The following MTBP variants were observed in gnomAD, a reference collection of about 807,000 sequenced individuals.
MTBP encodes the protein MDM2 binding protein.
Under a neutral mutation model 117.0 loss-of-function variants are expected in MTBP, and 101 were observed. That is an observed-to-expected ratio of 0.86 (90% CI 0.73 to 1.02). The LOEUF (loss-of-function observed/expected upper bound fraction) is 1.02, where lower values mean the gene tolerates loss of function less well. Ranked by LOEUF, MTBP falls within the 50% of genes least tolerant of loss-of-function variation. The pLI, the probability that MTBP is intolerant of heterozygous loss-of-function variation, is 0.00. For synonymous variants in MTBP, 350 were observed against 351.5 expected (o/e 1.00, Z 0.05); for missense variants, 970 against 1,030.9 (o/e 0.94, Z 0.81).
chr8:120,521,476 G>A (rs1233170539), intron 20 of MTBP, among the ~76,000 whole-genome samples: 3 of 152,012 alleles, frequency 2.0e-5, no homozygotes, highest in Non-Finnish European at 4.4e-5. Flanking sequence ...CATCCATGAC[G>A]TTCTCCCTAA....
chr8:120,509,982 G>C lies in MTBP; in HGVS notation c.1932G>C (p.Gln644His). 6.2e-7 allele frequency: 1 copy of C among 1,612,218 alleles called. No homozygotes were observed. Among genetic ancestry groups the C allele is most frequent in the Non-Finnish European group, 8.5e-7 (1 of 1,179,046 alleles). ...CAGAACTTAGTCCTGGGAAACTTCA[G>C]GTCTTACCTTTTGAGAAAGCCTCAG... ...LTPELSPGKL[Q>H]VLPFEKASVC... The change falls in exon 17 of 22, where the codon CAG becomes CAC. Residue 644 changes from glutamine to histidine, a missense_variant. Transcript: ENST00000305949.
At chr8:120,518,455 C>T (rs145998256) in intron 19 of MTBP, among the ~76,000 whole-genome samples, 49 of 152,124 alleles carry the variant, frequency 3.2e-4, no homozygotes, top group Middle Eastern at 6.8e-3. Flanking sequence ...GATTTCAATT[C>T]AGAACTCATG....
At chr8:120,466,608 C>T (rs1016092854) in intron 10 of MTBP, among the ~76,000 whole-genome samples, 1 of 151,852 alleles carries the variant, frequency 6.6e-6, no homozygotes, top group African/African-American at 2.4e-5. Context: ...CGCGGTGGCT[C>T]ACGCCTTTAA....
At chr8:120,498,480 GAGCAAGACT>G (rs1354835806) in intron 14 of MTBP, among the ~76,000 whole-genome samples, 1 of 152,164 alleles carries the variant, frequency 6.6e-6, no homozygotes, top group African/African-American at 2.4e-5. Flanking sequence ...ATGGACTCTG[GAGCAAGACT>G]AGCAGCTTAC....
intron 16 of MTBP, among the ~76,000 whole-genome samples, chr8:120,507,653 T>G (rs933624316): frequency 6.6e-6 from 1 of 152,170 alleles, no homozygotes; most frequent in Non-Finnish European, 1.5e-5. Context: ...AGGAGTTATT[T>G]GAAGGCAGTT....
At chr8:120,509,682 C>A (rs1349699733) in intron 16 of MTBP, among the ~76,000 whole-genome samples, 1 of 152,100 alleles carries the variant, frequency 6.6e-6, no homozygotes, top group Non-Finnish European at 1.5e-5. Flanking sequence ...TTGTTTTACC[C>A]ATTTCTCAGA....
chr8:120,488,336 A>C lies in MTBP; in HGVS notation c.1339+4A>C, dbSNP rs781256121. ...AAGACAGAAGAAGCCAAATTGAGTA[A>C]GTGTTAACTTCAGGTAGAAAAACAT... On this transcript the variant is annotated splice_donor_region_variant and intron_variant, in intron 12 of 21. Coordinates refer to ENST00000305949, the MANE Select transcript of MTBP (RefSeq NM_022045.5). 1.6e-5 allele frequency: 25 copies of C among 1,522,920 alleles called. 2 individuals are homozygous for C. The Admixed American group carries it at 5.4e-4, about 33-fold the overall frequency. The allele number at this position is 1,522,920 out of a possible 1,614,324, so 94.3% of individuals were successfully genotyped here. A position where few individuals can be genotyped will look rare whatever the true frequency, so the allele number is the denominator to read the frequency against.
Position 120,488,308 on chromosome 8 carries a change from A to G in MTBP, c.1315A>G (p.Thr439Ala), listed in dbSNP as rs570723210. 1.9e-6 allele frequency: 3 copies of G among 1,557,322 alleles called. No individual in the cohort carries two copies. In the South Asian group the frequency reaches 3.8e-5, roughly 20 times the overall value. ...ALNLIHGKMK[T>A]KTEEAKLSFP... ...CAATTTAATTCATGGAAAGATGAAA[A>G]CAAAGACAGAAGAAGCCAAATTGAG... Residue 439 changes from threonine to alanine, a missense_variant, in exon 12 of 22, where the codon ACA becomes GCA. By Grantham distance (58) the Thr-to-Ala change is moderately conservative (BLOSUM62 0). Coordinates refer to ENST00000305949, the MANE Select transcript of MTBP (RefSeq NM_022045.5).
chr8:120,466,303 C>T (rs1372328608), intron 10 of MTBP, among the ~76,000 whole-genome samples: 2 of 150,424 alleles, frequency 1.3e-5, no homozygotes, highest in Non-Finnish European at 3.0e-5. Context: ...CCTCCGTCTC[C>T]CGGGTTCAAG....
In MTBP at chr8:120,471,209, A is replaced by G. The variant is rs545877266; in HGVS notation, c.1165+272A>G. 5.1e-5 allele frequency: 12 copies of G among 235,670 alleles called. No individual in the cohort carries two copies. The South Asian group carries it at 1.6e-3, about 32-fold the overall frequency. The allele number at this position is 235,670 out of a possible 1,614,324, so 14.6% of individuals were successfully genotyped here. A position where few individuals can be genotyped will look rare whatever the true frequency, so the allele number is the denominator to read the frequency against. On this transcript the variant is annotated intron_variant, in intron 11 of 21. Transcript: ENST00000305949. ...TATACTGAACATGGGTTTTTTAGAG[A>G]CATTTCAGGAATCAAATTTGTGAAA...
intron 17 of MTBP, among the ~76,000 whole-genome samples, chr8:120,510,293 T>C (rs1814773345): frequency 6.6e-6 from 1 of 152,230 alleles, no homozygotes. Flanking sequence ...CCCTATGTTA[T>C]AAATGTATAT....
Position 120,466,495 on chromosome 8 carries a change from T to C in MTBP, c.1047+2734T>C, listed in dbSNP as rs542774829. On this transcript the variant is annotated intron_variant, in intron 10 of 21. Transcript: ENST00000305949. ...CCTCCCAAAGTGCTGGCTTTACAGG[T>C]GTGAGCCACTGCACCTGGTCATTTT... is the stretch of plus-strand genomic sequence containing the variant. Among the ~76,000 whole-genome samples the C allele has an allele frequency of 2.6e-5, 4 of 151,402 alleles. No individual in the cohort carries two copies. The East Asian group carries it at 7.9e-4, about 30-fold the overall frequency.
In MTBP at chr8:120,516,195, A is replaced by G; in HGVS notation, c.2246+4A>G. The G allele has an allele frequency of 1.2e-6, 2 of 1,603,870 alleles. No homozygotes were observed. The highest frequency in any genetic ancestry group is 1.7e-6 in the Non-Finnish European group (2 of 1,172,096). ...ATTGCCTTTATCCCAGAAAAAGGTG[A>G]TATATTACATGCACATAAATAGTAT... On this transcript the variant is annotated splice_donor_region_variant and intron_variant, in intron 18 of 21. Coordinates refer to ENST00000305949, the MANE Select transcript of MTBP (RefSeq NM_022045.5).
At chr8:120,520,540 G>A (rs2130624705) in intron 20 of MTBP, among the ~76,000 whole-genome samples, 1 of 152,202 alleles carries the variant, frequency 6.6e-6, no homozygotes, top group South Asian at 2.1e-4. Flanking sequence ...TTTTCCAGGA[G>A]TGGACACAAG....
intron 20 of MTBP, 106 bp from the exon 21 acceptor site, chr8:120,522,548 T>C: frequency 1.4e-6 from 1 of 735,930 alleles, no homozygotes. Context: ...ATCACATTAA[T>C]ACGTGTAGAA....
intron 11 of MTBP, among the ~76,000 whole-genome samples, chr8:120,477,103 C>A (rs1048251025): frequency 7.9e-5 from 12 of 152,124 alleles, no homozygotes; most frequent in Admixed American, 2.0e-4. Context: ...CGCCACACAT[C>A]TACAACCATC....
chr8:120,514,734 G>A (rs2130618682), intron 17 of MTBP, among the ~76,000 whole-genome samples: 1 of 152,060 alleles, frequency 6.6e-6, no homozygotes, highest in South Asian at 2.1e-4. Flanking sequence ...AACAATAATA[G>A]TAACATACAT....
At chr8:120,466,762 T>C (rs1488245502) in intron 10 of MTBP, among the ~76,000 whole-genome samples, 1 of 151,870 alleles carries the variant, frequency 6.6e-6, no homozygotes, top group African/African-American at 2.4e-5. Context: ...TAGTCCCAGC[T>C]ATGCGGGAGG....
At chr8:120,522,775 G>A in intron 21 of MTBP, 56 bp downstream of exon 21, 2 of 1,371,604 alleles carry the variant, frequency 1.5e-6, no homozygotes, top group South Asian at 1.3e-5. Context: ...TTTATTTCAG[G>A]GTTGCTCTGA....
Sources: gnomAD v4.1 joint callset for allele counts (sites outside exome capture counted in the v4.1 genomes callset) on GRCh38, gnomAD v4.1.1 for gene constraint, MANE v1.5 for transcripts, NCBI Gene and HGNC (gene_info 2026-07-23, HGNC 2026-07-21) for gene names.